Variants in GGT1 observed in about 807,000 individuals in gnomAD.
GGT1 encodes the protein glutathione hydrolase 1 proenzyme.
Under a neutral mutation model 56.0 loss-of-function variants are expected in GGT1, and 21 were observed. That is an observed-to-expected ratio of 0.38 (90% confidence interval 0.27 to 0.54). GGT1 has a LOEUF of 0.54. GGT1 is among the 20% of genes least tolerant of loss of function. The pLI is 0.82. For synonymous variants in GGT1, 238 were observed against 342.6 expected, an observed-to-expected ratio of 0.69 and a Z score of 3.37; for missense variants, 466 against 787.0, an observed-to-expected ratio of 0.59 and a Z score of 4.88.
At chr22:24,627,115 T>C in intron 11 of GGT1, 1 of 665,334 alleles carries the variant, frequency 1.5e-6, no homozygotes, top group Non-Finnish European at 2.3e-6. Flanking sequence ...TGTTCCCTGT[T>C]GATTCCCCAG....
Position 24,620,531 on chromosome 22 carries a change from G to A in GGT1, c.575+11G>A. On this transcript the variant is annotated intron_variant, in intron 8 of 15. Transcript: ENST00000400382. The surrounding 1 kb of genome is among the most constrained non-coding windows in gnomAD (Gnocchi z 5.6). ...GCAGCCTGTCTTGTGGTATGTCTGT[G>A]GGTGCGGCCCCCTGACACAGGCAGG... 1 of 1,611,208 alleles carries A rather than the reference G, an allele frequency of 6.2e-7. No individual in the cohort carries two copies. Among genetic ancestry groups the A allele is most frequent in the Non-Finnish European group, 8.5e-7 (1 of 1,179,764 alleles).
intron 1 of GGT1, among the ~76,000 whole-genome samples, chr22:24,606,186 G>A (rs1388041376): frequency 1.4e-5 from 2 of 143,716 alleles, no homozygotes; most frequent in Non-Finnish European, 3.0e-5. Context: ...TGTGCACAAC[G>A]TACAGGTTTG....
At chr22:24,625,497 A>T in intron 11 of GGT1, among the ~76,000 whole-genome samples, 1 of 151,022 alleles carries the variant, frequency 6.6e-6, no homozygotes, top group Non-Finnish European at 1.5e-5. Context: ...AACTCCCGGG[A>T]TCAAACTATC....
In GGT1 at chr22:24,628,868, A is replaced by C. The variant is rs772069361; in HGVS notation, c.*29A>C. On this transcript the variant is annotated 3_prime_UTR_variant, in exon 16 of 16. Coordinates refer to ENST00000400382, the MANE Select transcript of GGT1 (RefSeq NM_001288833.2). The surrounding 1 kb of genome is among the most constrained non-coding windows in gnomAD (Gnocchi z 5.7). ...CTCCAGGAGGACAAGGCTGACAAGC[A>C]ATCCAGGGACAAGATACTCACCAGG... The C allele has an allele frequency of 1.4e-5, 23 of 1,587,054 alleles. No homozygotes were observed. The highest frequency in any genetic ancestry group is 8.8e-5 in the Admixed American group (5 of 56,860).
At chr22:24,600,311 A>G (rs1449616880), upstream of GGT1, among the ~76,000 whole-genome samples, 2 of 152,202 alleles carry the variant, frequency 1.3e-5, no homozygotes, top group East Asian at 3.8e-4. Context: ...CTCTCTAGGT[A>G]GGAGACTGAG....
rs1203270690 is a variant in GGT1 at position 24,607,959 on chromosome 22, G to A, written c.-423G>A. On this transcript the variant is annotated 5_prime_UTR_variant, in exon 2 of 16. Transcript: ENST00000400382. ...GTCTGTCTCTTCCTCCCCAGCGGGTGCAGCCCAGAACTGTCTTCTGAGGAA... is the reference window on the plus strand; with the variant it reads ...GTCTGTCTCTTCCTCCCCAGCGGGTACAGCCCAGAACTGTCTTCTGAGGAA... 5 of 468,044 alleles carry A rather than the reference G, an allele frequency of 1.1e-5. No individual in the cohort carries two copies. The highest frequency in any genetic ancestry group is 6.1e-4 in the Middle Eastern group (1 of 1,634). The allele number at this position is 468,044 out of a possible 1,614,324, so 29.0% of individuals were successfully genotyped here.
chr22:24,605,749 T>TTC, intron 1 of GGT1, among the ~76,000 whole-genome samples: 1 of 78,148 alleles, frequency 1.3e-5, no homozygotes, highest in Non-Finnish European at 2.0e-5. Flanking sequence ...ATAATGTGTA[T>TTC]TATATATTAT....
chr22:24,624,516 T>G (rs1449584878), intron 11 of GGT1: 16 of 936,842 alleles, frequency 1.7e-5, no homozygotes, highest in Non-Finnish European at 1.1e-5. Context: ...GGGCGTCAGC[T>G]GCCCAGGTGG....
chr22:24,627,865 G>A lies in GGT1; in HGVS notation c.1222G>A (p.Val408Ile). The A allele has an allele frequency of 6.2e-7, 1 of 1,613,568 alleles. No homozygotes were observed. Among genetic ancestry groups the A allele is most frequent in the Non-Finnish European group, 8.5e-7 (1 of 1,179,642 alleles). ...GCTGGGCGGTAGCTTTGGCTCCAAG[G>A]TCCGCTCCCCGGTCAGCGGGATCCT... ...STINLYFGSK[V>I]RSPVSGILFN... Residue 408 changes from valine to isoleucine, a missense_variant, in exon 13 of 16, where the codon GTC becomes ATC. This residue lies in a region of GGT1 where 456 missense variants were observed against 716.7 expected (regional missense o/e 0.64). Coordinates refer to ENST00000400382, the MANE Select transcript of GGT1 (RefSeq NM_001288833.2).
intron 1 of GGT1, among the ~76,000 whole-genome samples, chr22:24,596,588 C>G (rs2045695251): frequency 6.6e-6 from 1 of 152,094 alleles, no homozygotes; most frequent in Non-Finnish European, 1.5e-5. Flanking sequence ...CCATGCCCGG[C>G]TCACATGGCC....
At chr22:24,585,696 G>A in the GGT1 span, 1 of 659,932 alleles carries the variant, frequency 1.5e-6, no homozygotes. Flanking sequence ...CCCACTGAGG[G>A]AAGGCTGAGC....
upstream of GGT1, chr22:24,593,214 G>T: frequency 1.6e-6 from 1 of 612,888 alleles, no homozygotes; most frequent in Non-Finnish European, 2.1e-6. Context: ...TCCTCGGTTT[G>T]GCCTGATCAC....
intron 9 of GGT1, among the ~76,000 whole-genome samples, chr22:24,622,614 G>A (rs1160657527): frequency 6.6e-6 from 1 of 152,044 alleles, no homozygotes; most frequent in Non-Finnish European, 1.5e-5. Flanking sequence ...AAAATTTGCT[G>A]GGTGTAGTTG....
At chr22:24,619,550 C>A (rs2047280995) in intron 7 of GGT1, among the ~76,000 whole-genome samples, 1 of 151,296 alleles carries the variant, frequency 6.6e-6, no homozygotes, top group African/African-American at 2.4e-5. Context: ...GCTGGGACAA[C>A]AGAATGAGAC....
chr22:24,586,387 A>G, the GGT1 span: 1 of 1,613,114 alleles, frequency 6.2e-7, no homozygotes, highest in East Asian at 2.2e-5. Flanking sequence ...CTGCCAGCAG[A>G]GTCTTCTGGA....
chr22:24,587,297 G>A, the GGT1 span, among the ~76,000 whole-genome samples: 9 of 152,280 alleles, frequency 5.9e-5, no homozygotes, highest in South Asian at 6.2e-4. Flanking sequence ...AGGGCTCCCC[G>A]TGTTTTCTCA....
At chr22:24,596,133 G>A (rs774116360) in intron 1 of GGT1, among the ~76,000 whole-genome samples, 6 of 152,216 alleles carry the variant, frequency 3.9e-5, no homozygotes, top group African/African-American at 4.8e-5. Flanking sequence ...GGGGTGAGGC[G>A]AGATCACAGG....
intron 11 of GGT1, among the ~76,000 whole-genome samples, chr22:24,626,781 G>A (rs1004920807): frequency 6.6e-6 from 1 of 151,206 alleles, no homozygotes; most frequent in African/African-American, 2.4e-5. Flanking sequence ...AGCCTGCATG[G>A]CACAGAGCAA....
At chr22:24,601,397 TGA>T (rs2045780252), upstream of GGT1, among the ~76,000 whole-genome samples, 1 of 152,118 alleles carries the variant, frequency 6.6e-6, no homozygotes, top group African/African-American at 2.4e-5. Flanking sequence ...GGGGCTGCAA[TGA>T]GATGCCAGTT....
Sources: allele counts gnomAD v4.1 joint callset (sites outside exome capture counted in the v4.1 genomes callset), GRCh38; gene constraint gnomAD v4.1.1; regional missense constraint gnomAD v4.1.1; non-coding constraint Gnocchi (gnomAD v3.1); transcripts MANE v1.5; gene names NCBI Gene and HGNC (gene_info 2026-07-23, HGNC 2026-07-21).